Variants in DOCK3 observed in about 807,000 individuals in gnomAD.
DOCK3 encodes the protein dedicator of cytokinesis 3, also known as dedicator of cytokinesis protein 3.
Under a neutral mutation model 265.6 loss-of-function variants are expected in DOCK3, and 60 were observed. The observed-to-expected ratio is 0.23, with a 90% CI of 0.18 to 0.28. The LOEUF is 0.28. Ranked by LOEUF, DOCK3 falls within the 10% of genes least tolerant of loss-of-function variation. The pLI is 1.00. For missense variants in DOCK3, 1,981 were observed against 2,594.3 expected, an observed-to-expected ratio of 0.76 and a Z score of 5.14; for synonymous variants, 881 against 938.0, an observed-to-expected ratio of 0.94 and a Z score of 1.11.
chr3:51,032,034 C>T (rs941122938), intron 5 of DOCK3, among the ~76,000 whole-genome samples: 16 of 151,954 alleles, frequency 1.1e-4, no homozygotes, highest in African/African-American at 3.1e-4. Flanking sequence ...GTTACAGCTG[C>T]GCAAATTAAA....
intron 51 of DOCK3, among the ~76,000 whole-genome samples, chr3:51,378,982 T>C (rs2088369455): frequency 6.6e-6 from 1 of 152,236 alleles, no homozygotes; most frequent in Non-Finnish European, 1.5e-5. Context: ...GGATCTGGGC[T>C]GCAGTTTCTT....
intron 22 of DOCK3, among the ~76,000 whole-genome samples, chr3:51,251,333 G>A (rs112985412): frequency 6.6e-6 from 1 of 152,170 alleles, no homozygotes; most frequent in East Asian, 1.9e-4. Context: ...AAACATACAT[G>A]TGCATGTGTC....
intron 23 of DOCK3, among the ~76,000 whole-genome samples, chr3:51,264,147 G>C (rs60567238): frequency 0.072 from 11,014 of 152,158 alleles, 995 homozygotes; most frequent in East Asian, 0.32. Context: ...TTCTAAAACT[G>C]ACCACATAAT....
intron 9 of DOCK3, among the ~76,000 whole-genome samples, chr3:51,093,581 G>A (rs1278511136): frequency 6.6e-6 from 1 of 152,210 alleles, no homozygotes; most frequent in Non-Finnish European, 1.5e-5. Context: ...GAGATTTTGG[G>A]CTGAGACGAT....
At chr3:51,149,017 G>T (rs1008267244) in intron 10 of DOCK3, among the ~76,000 whole-genome samples, 1 of 151,752 alleles carries the variant, frequency 6.6e-6, no homozygotes, top group African/African-American at 2.4e-5. Flanking sequence ...CTTTTATTTC[G>T]TTGAGCAGTG....
At chr3:50,718,546 A>G (rs986079619) in intron 1 of DOCK3, among the ~76,000 whole-genome samples, 2 of 152,056 alleles carry the variant, frequency 1.3e-5, no homozygotes, top group African/African-American at 4.8e-5. Context: ...TCTTGTGTTG[A>G]GCATTCTGTG....
chr3:50,796,650 T>G (rs941152693), intron 2 of DOCK3, among the ~76,000 whole-genome samples: 1 of 152,246 alleles, frequency 6.6e-6, no homozygotes, highest in Non-Finnish European at 1.5e-5. Context: ...TGTGGTTGTT[T>G]ATATGAAAGA....
At position 51,366,929 on chromosome 3, in the gene DOCK3, T is replaced by C. The variant is rs1237784896; in HGVS notation, c.5293+4255T>C. On this transcript the variant is annotated intron_variant, in intron 49 of 52. Transcript: ENST00000266037. ...TCCAATTATGTGGTCAATTTTGGAA[T>C]AGGTGTGGTGTAGTGCTGAGAAGAA... Among the ~76,000 whole-genome samples, 3 of 152,226 alleles carry C rather than the reference T, an allele frequency of 2.0e-5. No individual in the cohort carries two copies. The East Asian group carries it at 5.8e-4, about 29-fold the overall frequency.
intron 9 of DOCK3, among the ~76,000 whole-genome samples, chr3:51,125,903 A>G (rs2106838606): frequency 6.6e-6 from 1 of 152,340 alleles, no homozygotes; most frequent in Non-Finnish European, 1.5e-5. Flanking sequence ...GACTGTCAAT[A>G]TTATTATTAC....
chr3:50,728,818 GTTCAAGCAA>G, intron 1 of DOCK3, among the ~76,000 whole-genome samples: 1 of 151,218 alleles, frequency 6.6e-6, no homozygotes, highest in Admixed American at 6.6e-5. Context: ...TGCCTCCAGA[GTTCAAGCAA>G]TTCTCCTGCC....
intron 22 of DOCK3, among the ~76,000 whole-genome samples, chr3:51,257,451 A>G (rs2079609718): frequency 6.6e-6 from 1 of 152,334 alleles, no homozygotes; most frequent in Non-Finnish European, 1.5e-5. Flanking sequence ...GTTCTATTGA[A>G]GAAGGTGAAA....
At chr3:51,021,939 G>T (rs958771215) in intron 5 of DOCK3, among the ~76,000 whole-genome samples, 1 of 152,272 alleles carries the variant, frequency 6.6e-6, no homozygotes, top group African/African-American at 2.4e-5. Flanking sequence ...GGGATTACAG[G>T]TGTGAGCCAC....
intron 24 of DOCK3, among the ~76,000 whole-genome samples, chr3:51,272,623 C>T (rs2080570415): frequency 2.0e-5 from 3 of 151,828 alleles, no homozygotes; most frequent in South Asian, 2.1e-4. Flanking sequence ...AAAAATTTCT[C>T]AGCCCACTGC....
In DOCK3 at chr3:51,160,539, T is replaced by C; in HGVS notation, c.890-16T>C. 3 of 1,597,788 alleles carry C rather than the reference T, an allele frequency of 1.9e-6. No homozygotes were observed. The highest frequency in any genetic ancestry group is 1.7e-6 in the Non-Finnish European group (2 of 1,173,884). On this transcript the variant is annotated splice_polypyrimidine_tract_variant and intron_variant, in intron 11 of 52. Transcript: ENST00000266037. Reference sequence around the variant, plus strand: ...TGCTTTTCTCAGTCTGACTGGTGTTTTCTGCTGTGCCCAAGGCCGGATGCT... The same window carrying C: ...TGCTTTTCTCAGTCTGACTGGTGTTCTCTGCTGTGCCCAAGGCCGGATGCT...
chr3:51,030,065 T>C (rs2079986229), intron 5 of DOCK3, among the ~76,000 whole-genome samples: 2 of 152,124 alleles, frequency 1.3e-5, no homozygotes, highest in Non-Finnish European at 2.9e-5. Flanking sequence ...CTCCTACTCT[T>C]TCTACTGGAC....
At chr3:50,846,993 T>A (rs887475671) in intron 3 of DOCK3, among the ~76,000 whole-genome samples, 1 of 152,206 alleles carries the variant, frequency 6.6e-6, no homozygotes, top group Admixed American at 6.5e-5. Context: ...TCAGTTCTGC[T>A]CTGATTTTAG....
intron 23 of DOCK3, 74 bp from the exon 24 acceptor site, chr3:51,270,741 T>C: frequency 6.8e-7 from 1 of 1,460,108 alleles, no homozygotes. Flanking sequence ...CACCACCTTG[T>C]ATCATTGTCT....
intron 27 of DOCK3, among the ~76,000 whole-genome samples, chr3:51,308,597 A>C (rs2082843958): frequency 6.6e-6 from 1 of 152,234 alleles, no homozygotes; most frequent in South Asian, 2.1e-4. Flanking sequence ...GAACAAAATG[A>C]AAAGTCTCCC....
chr3:50,828,870 T>C (rs2044947503), intron 2 of DOCK3, among the ~76,000 whole-genome samples: 1 of 151,976 alleles, frequency 6.6e-6, no homozygotes, highest in African/African-American at 2.4e-5. Flanking sequence ...TGTGCCACCA[T>C]GCCCAGCTAA....
Sources: allele counts gnomAD v4.1 joint callset (sites outside exome capture counted in the v4.1 genomes callset), GRCh38; gene constraint gnomAD v4.1.1; transcripts MANE v1.5; gene names NCBI Gene and HGNC (gene_info 2026-07-23, HGNC 2026-07-21).